Variants in LRBA observed in about 807,000 individuals in gnomAD.
LRBA encodes lipopolysaccharide-responsive and beige-like anchor protein.
A neutral mutation model predicts 330.0 loss-of-function variants in LRBA; 176 were observed. That is an observed-to-expected ratio of 0.53 (90% CI 0.47 to 0.60). The LOEUF (loss-of-function observed/expected upper bound fraction) is 0.60. LRBA is among the 20% of genes least tolerant of loss of function. The pLI is 0.00. For synonymous variants in LRBA, 1,230 were observed against 1,193.0 expected, an observed-to-expected ratio of 1.03 and a Z score of -0.64; for missense variants, 3,259 against 3,444.8, an observed-to-expected ratio of 0.95 and a Z score of 1.35.
intron 40 of LRBA, among the ~76,000 whole-genome samples, chr4:150,572,229 A>G (rs1300558603): frequency 6.6e-6 from 1 of 152,110 alleles, no homozygotes; most frequent in African/African-American, 2.4e-5. Flanking sequence ...CTCCTATTTT[A>G]TTCTGAAAAA....
At chr4:150,935,839 A>G (rs1426492258) in intron 2 of LRBA, among the ~76,000 whole-genome samples, 2 of 151,946 alleles carry the variant, frequency 1.3e-5, no homozygotes, top group Non-Finnish European at 2.9e-5. Flanking sequence ...TTCATTTTAA[A>G]AAATTAAGAC....
chr4:150,443,656 T>A (rs1284509174), intron 44 of LRBA, among the ~76,000 whole-genome samples: 1 of 151,526 alleles, frequency 6.6e-6, no homozygotes, highest in East Asian at 1.9e-4. Flanking sequence ...ATGAGAACAC[T>A]TGGACACAGG....
chr4:150,920,900 G>A (rs1287190834), intron 5 of LRBA, among the ~76,000 whole-genome samples: 2 of 152,078 alleles, frequency 1.3e-5, no homozygotes, highest in African/African-American at 4.8e-5. Flanking sequence ...TAGACATGAA[G>A]GTGTTACACA....
At chr4:150,568,816 C>T (rs1405351713) in intron 40 of LRBA, among the ~76,000 whole-genome samples, 4 of 152,042 alleles carry the variant, frequency 2.6e-5, no homozygotes, top group African/African-American at 9.7e-5. Context: ...CATGAGCATT[C>T]GGTTTTAAAA....
At chr4:150,362,560 A>AT (rs1462858574) in intron 47 of LRBA, among the ~76,000 whole-genome samples, 1 of 152,218 alleles carries the variant, frequency 6.6e-6, no homozygotes, top group African/African-American at 2.4e-5. Flanking sequence ...ACAGGCTCCA[A>AT]TCCACAGTCT....
intron 3 of LRBA, 34 bp downstream of exon 3, chr4:150,928,800 C>T: frequency 1.3e-6 from 2 of 1,504,352 alleles, no homozygotes; most frequent in Non-Finnish European, 1.8e-6. Context: ...AACTTTATTT[C>T]TTTGCATATA....
intron 44 of LRBA, among the ~76,000 whole-genome samples, chr4:150,442,674 C>A (rs1751992267): frequency 6.6e-6 from 1 of 152,142 alleles, no homozygotes; most frequent in African/African-American, 2.4e-5. Flanking sequence ...AAGAAAACCA[C>A]TGCAAAGTAA....
chr4:150,502,776 A>G (rs895928988), intron 40 of LRBA, among the ~76,000 whole-genome samples: 2 of 152,206 alleles, frequency 1.3e-5, no homozygotes, highest in Non-Finnish European at 2.9e-5. Context: ...CGAGAAGCGC[A>G]AGGGGTCAGG....
At chr4:150,397,375 C>T (rs1335139257) in intron 47 of LRBA, among the ~76,000 whole-genome samples, 1 of 152,072 alleles carries the variant, frequency 6.6e-6, no homozygotes, top group Admixed American at 6.6e-5. Flanking sequence ...GCCTCCCAGG[C>T]TCAAGCATCC....
rs183211853 is a variant in LRBA, at chr4:150,782,297, T to C, written c.5580+15784A>G. On this transcript the variant is annotated intron_variant, in intron 34 of 56. Coordinates refer to ENST00000651943, the MANE Select transcript of LRBA (RefSeq NM_001364905.1). ...TACTCAGAGACTTTCAAAGCATTAC[T>C]GGATATATTAGTTTCTTGTAGCTGC... is the stretch of plus-strand genomic sequence containing the variant. Among the ~76,000 whole-genome samples the C allele has an allele frequency of 2.7e-3, 405 of 152,366 alleles. 6 individuals carry two copies. Among genetic ancestry groups the C allele is most frequent in the Admixed American group, 0.024 (368 of 15,310 alleles).
intron 2 of LRBA, among the ~76,000 whole-genome samples, chr4:150,985,931 A>T (rs188495453): frequency 6.6e-6 from 1 of 152,082 alleles, no homozygotes; most frequent in Non-Finnish European, 1.5e-5. Flanking sequence ...TCAACATTAA[A>T]TTTTTCCCAG....
intron 30 of LRBA, among the ~76,000 whole-genome samples, chr4:150,819,189 G>A: frequency 6.9e-6 from 1 of 144,650 alleles, no homozygotes; most frequent in South Asian, 2.2e-4. Context: ...TACTTTATGG[G>A]TTTTTTTTTT....
intron 51 of LRBA, chr4:150,315,349 G>A (rs968506177): frequency 9.9e-5 from 61 of 615,714 alleles, no homozygotes; most frequent in Non-Finnish European, 1.6e-4. Context: ...AGTGACACGC[G>A]TCCTAGGCCT....
At chr4:150,448,305 A>G (rs895132266) in intron 44 of LRBA, among the ~76,000 whole-genome samples, 1 of 152,250 alleles carries the variant, frequency 6.6e-6, no homozygotes, top group Admixed American at 6.5e-5. Context: ...AAATGTAGAA[A>G]GTATCAGGGA....
At chr4:150,573,463 A>C (rs1161726851) in intron 40 of LRBA, among the ~76,000 whole-genome samples, 1 of 150,932 alleles carries the variant, frequency 6.6e-6, no homozygotes, top group Non-Finnish European at 1.5e-5. Flanking sequence ...TTCAATGACC[A>C]TAACACAGAA....
intron 2 of LRBA, chr4:151,014,205 T>C: frequency 2.1e-6 from 1 of 482,862 alleles, no homozygotes; most frequent in Non-Finnish European, 3.7e-6. Context: ...AGCACAAAAG[T>C]GATGTGTTCA....
intron 40 of LRBA, among the ~76,000 whole-genome samples, chr4:150,538,159 CAA>C (rs2152217004): frequency 6.6e-6 from 1 of 152,272 alleles, no homozygotes; most frequent in African/African-American, 2.4e-5. Flanking sequence ...AGGCTGCAGA[CAA>C]AAGAGAACTT....
chr4:150,302,516 T>A (rs1729802096), intron 53 of LRBA, 109 bp downstream of exon 53: 9 of 560,634 alleles, frequency 1.6e-5, no homozygotes, highest in Non-Finnish European at 2.6e-5. Flanking sequence ...AAATAAAAAA[T>A]ACTTGATAAT....
At chr4:150,636,362 T>C (rs1330595108) in intron 37 of LRBA, among the ~76,000 whole-genome samples, 1 of 152,180 alleles carries the variant, frequency 6.6e-6, no homozygotes, top group Non-Finnish European at 1.5e-5. Flanking sequence ...ATTATCTATT[T>C]TGACGTTTGA....
Sources: allele counts gnomAD v4.1 joint callset (sites outside exome capture counted in the v4.1 genomes callset), GRCh38; gene constraint gnomAD v4.1.1; transcripts MANE v1.5; gene names NCBI Gene and HGNC (gene_info 2026-07-23, HGNC 2026-07-21).